Variants in NRK observed in about 807,000 individuals in gnomAD.
NRK encodes the protein Nik related kinase.
NRK carries 67 observed loss-of-function variants against 125.2 expected under a neutral mutation model. The ratio of observed to expected loss-of-function variants is 0.54; its 90% CI spans 0.44 to 0.66. The LOEUF (loss-of-function observed/expected upper bound fraction) is 0.66, where lower values mean the gene tolerates loss of function less well. Among genes scored for constraint, NRK ranks in the 30% least tolerant of loss-of-function variants. NRK has a pLI of 0.00. For synonymous variants in NRK, 458 were observed against 429.0 expected (o/e 1.07, Z -0.84); for missense variants, 1,224 against 1,192.9 (o/e 1.03, Z -0.38).
intron 2 of NRK, among the ~76,000 whole-genome samples, chrX:105,834,480 A>G (rs894076272): frequency 9.1e-6 from 1 of 109,556 alleles, no homozygotes; most frequent in African/African-American, 3.3e-5. Context: ...TGTTGAAAGG[A>G]TATTTATCTG....
chrX:105,887,456 G>T (rs2039962282), intron 4 of NRK, among the ~76,000 whole-genome samples: 1 of 111,830 alleles, frequency 8.9e-6, no homozygotes, highest in Admixed American at 9.5e-5. Context: ...AGAGAAAGTG[G>T]AACCCCTGCA....
intron 27 of NRK, among the ~76,000 whole-genome samples, chrX:105,951,051 T>C (rs948598712): frequency 8.2e-5 from 9 of 109,777 alleles, no homozygotes; most frequent in Non-Finnish European, 1.7e-4. Flanking sequence ...AGGATTGTCC[T>C]GAAAACCTGC....
At chrX:105,853,842 T>C (rs2039501605) in intron 2 of NRK, among the ~76,000 whole-genome samples, 1 of 112,112 alleles carries the variant, frequency 8.9e-6, no homozygotes, top group Non-Finnish European at 1.9e-5. Context: ...TCCCTAAAAG[T>C]TTAGAAATAC....
chrX:105,950,288 C>T (rs1291637445), intron 27 of NRK, among the ~76,000 whole-genome samples: 1 of 110,829 alleles, frequency 9.0e-6, no homozygotes, highest in East Asian at 2.8e-4. Flanking sequence ...GCCTTTTCAC[C>T]TTCATCAAAC....
chrX:105,860,272 A>G (rs1004698662), intron 2 of NRK, among the ~76,000 whole-genome samples: 1 of 111,505 alleles, frequency 9.0e-6, no homozygotes, highest in Non-Finnish European at 1.9e-5. Context: ...TTGACCATGC[A>G]TTAATTTGTA....
intron 2 of NRK, among the ~76,000 whole-genome samples, chrX:105,862,730 A>G (rs2039618731): frequency 2.7e-5 from 3 of 112,038 alleles, no homozygotes; most frequent in Admixed American, 1.9e-4. Flanking sequence ...TCCAAAGTCA[A>G]TATTTACCAT....
intron 26 of NRK, chrX:105,948,744 G>A (rs1476995078): frequency 2.1e-6 from 1 of 484,609 alleles, no homozygotes; most frequent in East Asian, 3.8e-5. Flanking sequence ...CACCTGGCCT[G>A]AGTACGCTGG....
intron 2 of NRK, among the ~76,000 whole-genome samples, chrX:105,837,894 A>T (rs1311735867): frequency 9.0e-6 from 1 of 111,693 alleles, no homozygotes; most frequent in African/African-American, 3.3e-5. Flanking sequence ...ACACAGAAAG[A>T]CCACAGTATT....
rs1411317788 is a variant in NRK at position 105,949,630 on chromosome X, T to C, written c.4409T>C (p.Ile1470Thr). The change falls in exon 27 of 29, where the codon ATT (isoleucine) becomes ACT (threonine). Residue 1470 changes from isoleucine to threonine, a missense_variant. Transcript: ENST00000243300. Reference sequence around the variant, plus strand: ...ATCATTTTACCTGATTGCTTGGGAATTGGCATGATGCTCACCTTCAATGCT... The same window carrying C: ...ATCATTTTACCTGATTGCTTGGGAACTGGCATGATGCTCACCTTCAATGCT... Reference protein sequence around the residue: ...NIIILPDCLGIGMMLTFNAEA... With the variant: ...NIIILPDCLGTGMMLTFNAEA... 1.1e-5 allele frequency: 13 copies of C among 1,193,854 alleles called. No homozygotes were observed. The highest frequency in any genetic ancestry group is 3.0e-5 in the East Asian group (1 of 33,724).
In NRK at chrX:105,924,990, T is replaced by C; in HGVS notation, c.3271T>C (p.Leu1091=). 8.3e-7 allele frequency: 1 copy of C among 1,210,443 alleles called. No individual in the cohort carries two copies. Among genetic ancestry groups the C allele is most frequent in the Non-Finnish European group, 1.1e-6 (1 of 894,489 alleles). The change falls in exon 19 of 29, where the codon TTG becomes CTG. Residue 1091 remains leucine (L), a synonymous_variant. Coordinates refer to ENST00000243300, the MANE Select transcript of NRK (RefSeq NM_198465.4). ...TTGCTCAGAGACAGATGGTCCAGGA[T>C]TGAAGAGACCTGCGTCTCAGGACTT... ...ENCSETDGPG[L]KRPASQDFEY... is the part of the protein sequence containing the mutation.
chrX:105,924,517 G>A (rs1193209458), intron 18 of NRK, among the ~76,000 whole-genome samples, 178 bp from the exon 19 acceptor site: 1 of 111,822 alleles, frequency 8.9e-6, no homozygotes, highest in African/African-American at 3.2e-5. Flanking sequence ...ACATAAGACT[G>A]AGAAGACATA....
chrX:105,915,908 A>G (rs930329568), intron 15 of NRK, 111 bp downstream of exon 15: 10 of 431,624 alleles, frequency 2.3e-5, no homozygotes, highest in Non-Finnish European at 4.1e-5. Context: ...ATCCGTGACA[A>G]CATCATCACC....
In NRK at chrX:105,956,781, A is replaced by G. The variant is rs769471559; in HGVS notation, c.*1181A>G. ...AAAGTCATGCTAGTCCATCACCCAA[A>G]TATGTTATAGACGCCATAGACAGGT... On this transcript the variant is annotated 3_prime_UTR_variant, in exon 29 of 29. Coordinates refer to ENST00000243300, the MANE Select transcript of NRK (RefSeq NM_198465.4). The G allele has an allele frequency of 2.7e-5, 3 of 111,805 alleles. No homozygotes were observed. The highest frequency in any genetic ancestry group is 5.7e-5 in the Non-Finnish European group (3 of 53,046). 9.2% of individuals were successfully genotyped at this position (111,805 alleles called of 1,213,427 possible).
At chrX:105,951,274 A>T (rs1167480318) in intron 27 of NRK, among the ~76,000 whole-genome samples, 1 of 111,114 alleles carries the variant, frequency 9.0e-6, no homozygotes, top group Non-Finnish European at 1.9e-5. Context: ...AACTGAACAA[A>T]CCCTTATATT....
intron 2 of NRK, among the ~76,000 whole-genome samples, chrX:105,833,791 G>A (rs746760004): frequency 9.0e-6 from 1 of 111,129 alleles, no homozygotes; most frequent in Non-Finnish European, 1.9e-5. Context: ...CCACAATCAA[G>A]ATTTTCAATG....
At chrX:105,919,002 GAAAAA>G (rs57376881) in intron 16 of NRK, among the ~76,000 whole-genome samples, 83 of 39,482 alleles carry the variant, frequency 2.1e-3, no homozygotes, top group Admixed American at 3.4e-3. Flanking sequence ...ATGGTTTCCT[GAAAAA>G]AAAAAAAAAA....
At chrX:105,935,786 C>A (rs539467302) in intron 21 of NRK, among the ~76,000 whole-genome samples, 2 of 102,245 alleles carry the variant, frequency 2.0e-5, no homozygotes, top group South Asian at 8.3e-4. Context: ...GCAAGACTCT[C>A]TCTATATATA....
chrX:105,872,867 G>A (rs900750900), intron 2 of NRK, among the ~76,000 whole-genome samples: 4 of 110,752 alleles, frequency 3.6e-5, no homozygotes, highest in African/African-American at 9.9e-5. Context: ...CTTGTCAGCC[G>A]TGTTGTCTTG....
intron 19 of NRK, among the ~76,000 whole-genome samples, chrX:105,932,125 C>T (rs1172223968): frequency 9.0e-6 from 1 of 111,469 alleles, no homozygotes; most frequent in African/African-American, 3.3e-5. Context: ...TTTAGGTTTT[C>T]AGAGTTTATC....
Sources: gnomAD v4.1 joint callset for allele counts (sites outside exome capture counted in the v4.1 genomes callset) on GRCh38, gnomAD v4.1.1 for gene constraint, MANE v1.5 for transcripts, NCBI Gene and HGNC (gene_info 2026-07-23, HGNC 2026-07-21) for gene names.